The following MMP16 variants were observed in gnomAD, a reference collection of about 807,000 sequenced individuals.
MMP16 encodes matrix metallopeptidase 16.
In MMP16, 12 loss-of-function variants were observed where a neutral mutation model predicts 67.8. That is an observed-to-expected ratio of 0.18 (90% CI 0.11 to 0.29). MMP16 has a LOEUF of 0.29. Ranked by LOEUF, MMP16 falls within the 10% of genes least tolerant of loss-of-function variation. The pLI is 1.00. For missense variants in MMP16, 475 were observed against 765.7 expected (o/e 0.62, Z 4.48); for synonymous variants, 249 against 255.9 (o/e 0.97, Z 0.26).
intron 1 of MMP16, among the ~76,000 whole-genome samples, chr8:88,230,357 C>A (rs566358842): frequency 6.6e-6 from 1 of 152,032 alleles, no homozygotes; most frequent in South Asian, 2.1e-4. Flanking sequence ...GAAAACCTAA[C>A]ATTTTAAAAG....
chr8:88,215,879 G>T (rs944306167), intron 1 of MMP16, among the ~76,000 whole-genome samples: 2 of 152,086 alleles, frequency 1.3e-5, no homozygotes, highest in Non-Finnish European at 2.9e-5. Context: ...GCCAATTTGA[G>T]TGTATTCCAT....
intron 7 of MMP16, among the ~76,000 whole-genome samples, chr8:88,069,991 C>A: frequency 6.6e-6 from 1 of 152,156 alleles, no homozygotes. Context: ...GCAATCCTAT[C>A]TCTTTCTACA....
chr8:88,287,913 C>T (rs966091120), intron 1 of MMP16, among the ~76,000 whole-genome samples: 6 of 152,102 alleles, frequency 3.9e-5, no homozygotes, highest in Admixed American at 6.5e-5. Context: ...TTGCTAAAGG[C>T]AACTGTAAAT....
intron 3 of MMP16, among the ~76,000 whole-genome samples, chr8:88,184,255 T>C (rs1041298166): frequency 5.3e-5 from 8 of 152,194 alleles, no homozygotes; most frequent in Admixed American, 5.2e-4. Flanking sequence ...TTTTGGTTTT[T>C]AGGTTTCTTT....
intron 3 of MMP16, among the ~76,000 whole-genome samples, chr8:88,176,079 T>G (rs1452531581): frequency 6.6e-6 from 1 of 152,150 alleles, no homozygotes; most frequent in Non-Finnish European, 1.5e-5. Context: ...GGTAGTATTG[T>G]TACAATATTC....
intron 6 of MMP16, among the ~76,000 whole-genome samples, chr8:88,076,127 AT>A (rs1313397162): frequency 6.6e-6 from 1 of 151,638 alleles, no homozygotes; most frequent in Non-Finnish European, 1.5e-5. Context: ...AACTTCTGTT[AT>A]TTTTTTTAAA....
At chr8:88,200,892 T>G (rs1248739458) in intron 1 of MMP16, among the ~76,000 whole-genome samples, 1 of 151,906 alleles carries the variant, frequency 6.6e-6, no homozygotes, top group African/African-American at 2.4e-5. Flanking sequence ...TAAGCAGTAA[T>G]TTTTTAAAAT....
At chr8:88,138,855 T>C (rs1421528156) in intron 4 of MMP16, among the ~76,000 whole-genome samples, 1 of 152,094 alleles carries the variant, frequency 6.6e-6, no homozygotes, top group Non-Finnish European at 1.5e-5. Context: ...TGTTATTTTA[T>C]CTGTCTTTTC....
chr8:88,122,846 T>C (rs1232836404), intron 4 of MMP16, among the ~76,000 whole-genome samples: 1 of 151,696 alleles, frequency 6.6e-6, no homozygotes, highest in East Asian at 2.0e-4. Flanking sequence ...ATTTGACTTC[T>C]AAGGCGAGGT....
At chr8:88,153,611 G>A (rs1808451634) in intron 4 of MMP16, among the ~76,000 whole-genome samples, 1 of 151,544 alleles carries the variant, frequency 6.6e-6, no homozygotes, top group African/African-American at 2.4e-5. Context: ...AACAAGCAAT[G>A]GGGAAAGGAT....
At chr8:88,110,362 C>T (rs1809313546) in intron 6 of MMP16, among the ~76,000 whole-genome samples, 1 of 151,448 alleles carries the variant, frequency 6.6e-6, no homozygotes, top group Non-Finnish European at 1.5e-5. Context: ...TTAATGTGGA[C>T]ATTAAAATGC....
At chr8:88,302,746 C>T (rs1036676239) in intron 1 of MMP16, among the ~76,000 whole-genome samples, 4 of 152,136 alleles carry the variant, frequency 2.6e-5, no homozygotes, top group East Asian at 3.9e-4. Context: ...TTAAAAGCAG[C>T]GGCAGTCTGT....
intron 3 of MMP16, among the ~76,000 whole-genome samples, chr8:88,173,437 A>C (rs1171129150): frequency 6.6e-6 from 1 of 152,218 alleles, no homozygotes; most frequent in Non-Finnish European, 1.5e-5. Context: ...GCATCTAATC[A>C]GGTTACAAAT....
chr8:88,277,632 G>A (rs566493417), intron 1 of MMP16, among the ~76,000 whole-genome samples: 2 of 152,254 alleles, frequency 1.3e-5, no homozygotes, highest in Admixed American at 6.5e-5. Context: ...AACCATAAGG[G>A]TAATTATGGT....
At chr8:88,067,717 T>G (rs1808481603) in intron 7 of MMP16, among the ~76,000 whole-genome samples, 1 of 152,172 alleles carries the variant, frequency 6.6e-6, no homozygotes, top group Non-Finnish European at 1.5e-5. Flanking sequence ...AAAATTATTT[T>G]GAGCTTCATC....
At chr8:88,209,696 A>G (rs1399199536) in intron 1 of MMP16, among the ~76,000 whole-genome samples, 1 of 138,212 alleles carries the variant, frequency 7.2e-6, no homozygotes, top group Non-Finnish European at 1.6e-5. Context: ...TGTAACTCGT[A>G]TAAGTAGATT....
At chr8:88,156,801 A>C (rs938000097) in intron 4 of MMP16, among the ~76,000 whole-genome samples, 2 of 152,132 alleles carry the variant, frequency 1.3e-5, no homozygotes, top group African/African-American at 4.8e-5. Context: ...CTAGATTTAA[A>C]GACAAAAACA....
chr8:88,251,703 A>G lies in MMP16; in HGVS notation c.133-54397T>C, dbSNP rs1271375350. Among the ~76,000 whole-genome samples, 27 of 142,006 alleles carry G rather than the reference A, an allele frequency of 1.9e-4. No individual in the cohort carries two copies. In the South Asian group the frequency reaches 4.6e-3, roughly 24 times the overall value. 93.2% of individuals were successfully genotyped at this position (142,006 alleles called of 152,430 possible). A position where few individuals can be genotyped will look rare whatever the true frequency, so the allele number is the denominator to read the frequency against. On this transcript the variant is annotated intron_variant, in intron 1 of 9. Transcript: ENST00000286614. ...AAAGAAACTACCATCAGAGTGAACA[A>G]GCAACCTACAAAATGGGAGAAAATT...
chr8:88,047,794 T>A (rs954986528), intron 8 of MMP16, among the ~76,000 whole-genome samples: 4 of 152,180 alleles, frequency 2.6e-5, no homozygotes, highest in African/African-American at 4.8e-5. Context: ...AGCTTAAACT[T>A]ATGGCTAAGT....
Sources: allele counts gnomAD v4.1 joint callset (sites outside exome capture counted in the v4.1 genomes callset), GRCh38; gene constraint gnomAD v4.1.1; transcripts MANE v1.5; gene names NCBI Gene and HGNC (gene_info 2026-07-23, HGNC 2026-07-21).